The following FAM149B1 variants were observed in gnomAD, a reference collection of about 807,000 sequenced individuals.
The protein encoded by FAM149B1 is primary cilium assembly protein FAM149B1.
FAM149B1 carries 56 observed loss-of-function variants against 75.3 expected under a neutral mutation model. The ratio of observed to expected loss-of-function variants is 0.74; its 90% CI spans 0.60 to 0.93. The LOEUF is 0.93. Among genes scored for constraint, FAM149B1 ranks in the 40% least tolerant of loss-of-function variants. The pLI is 0.00. For missense variants in FAM149B1, 639 were observed against 708.4 expected (o/e 0.90, Z 1.11); for synonymous variants, 259 against 256.1 (o/e 1.01, Z -0.11).
Position 73,233,182 on chromosome 10 carries a change from A to T in FAM149B1, c.1352+19A>T. 3 of 1,491,632 alleles carry T rather than the reference A, an allele frequency of 2.0e-6. No homozygotes were observed. The South Asian group carries it at 3.6e-5, about 18-fold the overall frequency. 92.4% of individuals were successfully genotyped at this position (1,491,632 alleles called of 1,614,324 possible). ...CCCGAGTGTAGGTTTCAAAAGCAGA[A>T]CTTCTGGAAACCGTGGTAAAACTAA... On this transcript the variant is annotated intron_variant, in intron 10 of 13. Transcript: ENST00000242505.
intron 7 of FAM149B1, among the ~76,000 whole-genome samples, chr10:73,224,964 CAT>C (rs1471520584): frequency 6.6e-6 from 1 of 152,096 alleles, no homozygotes; most frequent in African/African-American, 2.4e-5. Flanking sequence ...ATGATGGTCT[CAT>C]AAGATTATAA....
intron 6 of FAM149B1, among the ~76,000 whole-genome samples, chr10:73,209,595 T>C (rs180765522): frequency 1.8e-4 from 27 of 152,360 alleles, no homozygotes; most frequent in Admixed American, 5.2e-4. Context: ...ATAGATATGA[T>C]TTATCTTCTT....
intron 3 of FAM149B1, among the ~76,000 whole-genome samples, chr10:73,180,625 C>G (rs1222435742): frequency 6.6e-6 from 1 of 152,100 alleles, no homozygotes; most frequent in Non-Finnish European, 1.5e-5. Context: ...CACATATAGC[C>G]ATCTTACTTT....
intron 7 of FAM149B1, among the ~76,000 whole-genome samples, chr10:73,217,679 A>G (rs2043327268): frequency 6.6e-6 from 1 of 152,236 alleles, no homozygotes; most frequent in African/African-American, 2.4e-5. Flanking sequence ...AAAAGCCTAT[A>G]TAATATAACG....
chr10:73,209,373 G>A lies in FAM149B1; in HGVS notation c.710+587G>A, dbSNP rs571803790. On this transcript the variant is annotated intron_variant, in intron 6 of 13. Transcript: ENST00000242505. Reference sequence around the variant, plus strand: ...TGAGGCCAGAGAATCGCTTGAACCCGGGAGGCGGAGGTTGCAGTGAGCCGA... The same window carrying A: ...TGAGGCCAGAGAATCGCTTGAACCCAGGAGGCGGAGGTTGCAGTGAGCCGA... Among the ~76,000 whole-genome samples the A allele has an allele frequency of 4.6e-5, 7 of 152,184 alleles. No homozygotes were observed. The South Asian group carries it at 6.2e-4, about 14-fold the overall frequency.
intron 13 of FAM149B1, among the ~76,000 whole-genome samples, 173 bp from the exon 14 acceptor site, chr10:73,240,773 T>A (rs2043931959): frequency 6.6e-6 from 1 of 151,212 alleles, no homozygotes; most frequent in Non-Finnish European, 1.5e-5. Context: ...AGTGAGTAAA[T>A]CAGACATCTT....
At chr10:73,231,015 T>A (rs1462162497) in intron 9 of FAM149B1, 1 of 153,260 alleles carries the variant, frequency 6.5e-6, no homozygotes, top group Admixed American at 6.5e-5. Context: ...ATGCTTCTGA[T>A]CAAAGATAAT....
intron 7 of FAM149B1, among the ~76,000 whole-genome samples, chr10:73,224,150 G>A (rs2043480360): frequency 1.3e-5 from 2 of 152,146 alleles, no homozygotes; most frequent in South Asian, 4.1e-4. Flanking sequence ...CTTAAAACAG[G>A]GGTCAGGAAA....
chr10:73,236,133 GT>G (rs2043815053), intron 12 of FAM149B1, among the ~76,000 whole-genome samples: 1 of 152,134 alleles, frequency 6.6e-6, no homozygotes, highest in Admixed American at 6.6e-5. Context: ...GCACTGCAAA[GT>G]TTTTCTTCTA....
Position 73,228,073 on chromosome 10 carries a change from T to C in FAM149B1, c.912T>C (p.Asn304=), listed in dbSNP as rs1262060322. The change falls in exon 8 of 14, where the codon AAT becomes AAC. Residue 304 remains asparagine, a synonymous_variant. Coordinates refer to ENST00000242505, the MANE Select transcript of FAM149B1 (RefSeq NM_173348.2). ...TCCTTTGCCCAGATGATGAGAGTAA[T>C]GTTGCAGTTACCAGACCCGATTCAG... ...WEGFASDDES[N]VAVTRPDSES... is the part of the protein sequence containing the mutation. 6.4e-7 allele frequency: 1 copy of C among 1,551,718 alleles called. No individual in the cohort carries two copies.
At position 73,243,568 on chromosome 10, in the gene FAM149B1, G is replaced by A; in HGVS notation, c.*2549G>A. The A allele has an allele frequency of 6.2e-7, 1 of 1,610,376 alleles. No individual in the cohort carries two copies. The highest frequency in any genetic ancestry group is 8.5e-7 in the Non-Finnish European group (1 of 1,178,392). ...GCTTTCACAACATTATCCATAGACA[G>A]AAAGTACCTAGTGGTTGCCAGGGGC... On this transcript the variant is annotated 3_prime_UTR_variant, in exon 14 of 14. Coordinates refer to ENST00000242505, the MANE Select transcript of FAM149B1 (RefSeq NM_173348.2).
chr10:73,237,799 C>T (rs1346008607), intron 12 of FAM149B1, among the ~76,000 whole-genome samples: 5 of 151,978 alleles, frequency 3.3e-5, no homozygotes, highest in South Asian at 2.1e-4. Context: ...AATCAGCACA[C>T]TGCAGCCTCA....
chr10:73,184,901 A>G (rs2042483382), intron 3 of FAM149B1, among the ~76,000 whole-genome samples: 1 of 152,214 alleles, frequency 6.6e-6, no homozygotes. Context: ...TAATACAGAT[A>G]AGATAGAAAT....
chr10:73,239,382 C>G lies in FAM149B1; in HGVS notation c.1673C>G (p.Ala558Gly). ...CAGGCCCGACCTGGCAGGGGATCTG[C>G]AGGTAAAGGTGGGGCCATGGCCCTT... ...PHQARPGRGS[A>G]GPQLHGSTKS... Residue 558 changes from alanine (A) to glycine (G), a missense_variant and splice_region_variant, in exon 13 of 14, where the codon GCA becomes GGA. Ala to Gly is a moderately conservative substitution (Grantham distance 60). Transcript: ENST00000242505. 1 of 1,551,300 alleles carries G rather than the reference C, an allele frequency of 6.4e-7. No individual in the cohort carries two copies. Among genetic ancestry groups the G allele is most frequent in the Non-Finnish European group, 8.7e-7 (1 of 1,146,654 alleles).
intron 1 of FAM149B1, chr10:73,168,855 T>A (rs1272486654): frequency 6.3e-6 from 1 of 158,484 alleles, no homozygotes; most frequent in Admixed American, 6.3e-5. Flanking sequence ...AGCTTGAAGG[T>A]GGTAGAGCTG....
At chr10:73,233,438 A>G (rs113078118) in intron 10 of FAM149B1, among the ~76,000 whole-genome samples, 2 of 152,102 alleles carry the variant, frequency 1.3e-5, no homozygotes, top group Non-Finnish European at 2.9e-5. Context: ...TTCTGGGCTC[A>G]AGTGGTTCTC....
chr10:73,243,586 C>A lies in FAM149B1; in HGVS notation c.*2567C>A. On this transcript the variant is annotated 3_prime_UTR_variant, in exon 14 of 14. Transcript: ENST00000242505. ...ATAGACAGAAAGTACCTAGTGGTTGCCAGGGGCTGGAAAAGTGGAATAACT... is the reference window on the plus strand; with the variant it reads ...ATAGACAGAAAGTACCTAGTGGTTGACAGGGGCTGGAAAAGTGGAATAACT... 6.3e-7 allele frequency: 1 copy of A among 1,590,520 alleles called. No individual in the cohort carries two copies. The highest frequency in any genetic ancestry group is 8.6e-7 in the Non-Finnish European group (1 of 1,168,300).
At chr10:73,203,047 A>T (rs1198524626) in intron 5 of FAM149B1, among the ~76,000 whole-genome samples, 1 of 152,184 alleles carries the variant, frequency 6.6e-6, no homozygotes, top group Non-Finnish European at 1.5e-5. Flanking sequence ...GAGTGGCGGC[A>T]TGGTGTTTTC....
At chr10:73,171,568 C>A (rs1209254624) in intron 1 of FAM149B1, among the ~76,000 whole-genome samples, 1 of 151,920 alleles carries the variant, frequency 6.6e-6, no homozygotes, top group African/African-American at 2.4e-5. Context: ...CCTGTCACCC[C>A]ACATTCAACA....
Sources: gnomAD v4.1 joint callset for allele counts (sites outside exome capture counted in the v4.1 genomes callset) on GRCh38, gnomAD v4.1.1 for gene constraint, MANE v1.5 for transcripts, NCBI Gene and HGNC (gene_info 2026-07-23, HGNC 2026-07-21) for gene names.